The following SPECC1 variants were observed in gnomAD, a reference collection of about 807,000 sequenced individuals.
SPECC1 encodes sperm antigen with calponin homology and coiled-coil domains 1.
Under a neutral mutation model 104.1 loss-of-function variants are expected in SPECC1, and 62 were observed. That is an observed-to-expected ratio of 0.60 (90% CI 0.49 to 0.74). The LOEUF is 0.74. Among genes scored for constraint, SPECC1 ranks in the 30% least tolerant of loss-of-function variants. SPECC1 has a pLI of 0.00. For missense variants in SPECC1, 1,306 were observed against 1,310.5 expected, an observed-to-expected ratio of 1.00 and a Z score of 0.05; for synonymous variants, 513 against 501.6, an observed-to-expected ratio of 1.02 and a Z score of -0.30.
intron 1 of SPECC1, among the ~76,000 whole-genome samples, chr17:20,055,963 T>C (rs1057303300): frequency 9.9e-5 from 15 of 152,236 alleles, no homozygotes; most frequent in African/African-American, 3.6e-4. Flanking sequence ...GGGGCCTGCT[T>C]AGGGCTGAGC....
chr17:20,170,571 C>T (rs1421809405), intron 3 of SPECC1, among the ~76,000 whole-genome samples: 2 of 152,162 alleles, frequency 1.3e-5, no homozygotes, highest in Non-Finnish European at 2.9e-5. Context: ...CTACTGTCTC[C>T]TTTCATCCCT....
chr17:20,159,511 A>G (rs1448872309), intron 3 of SPECC1, among the ~76,000 whole-genome samples: 1 of 152,200 alleles, frequency 6.6e-6, no homozygotes, highest in Non-Finnish European at 1.5e-5. Context: ...AGATTGCACC[A>G]TCTTTTCCAG....
At chr17:20,221,517 T>A (rs1456292315) in intron 4 of SPECC1, among the ~76,000 whole-genome samples, 1 of 152,114 alleles carries the variant, frequency 6.6e-6, no homozygotes, top group Admixed American at 6.5e-5. Flanking sequence ...TCTCCTTTTT[T>A]ATCTTTGATT....
intron 9 of SPECC1, among the ~76,000 whole-genome samples, chr17:20,251,249 GTCA>G (rs2039624397): frequency 1.3e-5 from 1 of 76,714 alleles, no homozygotes; most frequent in Non-Finnish European, 2.6e-5. Flanking sequence ...AAAGCATATG[GTCA>G]TCTTAGTAGG....
intron 1 of SPECC1, among the ~76,000 whole-genome samples, chr17:20,064,802 T>C (rs970859380): frequency 6.6e-6 from 1 of 152,232 alleles, no homozygotes; most frequent in African/African-American, 2.4e-5. Flanking sequence ...TTATAGCTCA[T>C]GAGAAGGCCA....
At chr17:20,163,940 A>T (rs990350153) in intron 3 of SPECC1, among the ~76,000 whole-genome samples, 2 of 152,214 alleles carry the variant, frequency 1.3e-5, no homozygotes, top group Non-Finnish European at 2.9e-5. Context: ...ACTCAGTTAC[A>T]TATTTTGAAT....
At position 20,317,722 on chromosome 17, in the gene SPECC1, TCA is replaced by T. The variant is rs745960028; in HGVS notation, c.*3670_*3671del. 6 of 213,010 alleles carry T rather than the reference TCA, an allele frequency of 2.8e-5. No individual in the cohort carries two copies. Among genetic ancestry groups the T allele is most frequent in the Non-Finnish European group, 5.6e-5 (6 of 106,474 alleles). 13.2% of individuals were successfully genotyped at this position (213,010 alleles called of 1,614,324 possible). A position where few individuals can be genotyped will look rare whatever the true frequency, so the allele number is the denominator to read the frequency against. ...GCCTGGGCCAAAGAGCAAGACCCTG[TCA>T]CACACACACACAAAAAAAAGAAATA... is the stretch of plus-strand genomic sequence containing the variant. On this transcript the variant is annotated 3_prime_UTR_variant, in exon 15 of 15. Transcript: ENST00000395527.
At chr17:20,245,277 G>C (rs985476969) in intron 7 of SPECC1, among the ~76,000 whole-genome samples, 2 of 152,176 alleles carry the variant, frequency 1.3e-5, no homozygotes, top group African/African-American at 4.8e-5. Flanking sequence ...CAGGACAGGA[G>C]CCTTAACTTC....
intron 1 of SPECC1, among the ~76,000 whole-genome samples, chr17:20,021,659 T>TAA (rs1400743716): frequency 6.3e-4 from 55 of 87,654 alleles, no homozygotes; most frequent in Non-Finnish European, 1.3e-3. Context: ...CCCAAGGCTC[T>TAA]GATATATATA....
At chr17:20,146,385 G>C (rs1290246083) in intron 3 of SPECC1, among the ~76,000 whole-genome samples, 1 of 152,114 alleles carries the variant, frequency 6.6e-6, no homozygotes, top group East Asian at 1.9e-4. Context: ...TTTGTGTCTT[G>C]ATCATTTCTT....
rs921099031 is a variant in SPECC1, at chr17:20,238,207, C to T, written c.2351+5802C>T. 12 of 1,038,680 alleles carry T rather than the reference C, an allele frequency of 1.2e-5. No individual in the cohort carries two copies. The African/African-American group carries it at 1.2e-4, about 10-fold the overall frequency. The allele number at this position is 1,038,680 out of a possible 1,614,324, so 64.3% of individuals were successfully genotyped here. A position where few individuals can be genotyped will look rare whatever the true frequency, so the allele number is the denominator to read the frequency against. On this transcript the variant is annotated intron_variant, in intron 7 of 14. Transcript: ENST00000395527. ...TGTTATTAAGCCGGATAGGTAAGCA[C>T]GGTGACAATGGCAATAGAAATCTAA...
At chr17:20,111,903 T>C in intron 3 of SPECC1, 1 of 792,334 alleles carries the variant, frequency 1.3e-6, no homozygotes, top group East Asian at 2.4e-5. Flanking sequence ...TTATCTGATT[T>C]GCTTTCTGTG....
chr17:20,205,184 A>C lies in SPECC1; in HGVS notation c.1135A>C (p.Lys379Gln). Residue 379 changes from lysine (K) to glutamine (Q), a missense_variant, in exon 4 of 15, where the codon AAG (lysine) becomes CAG (glutamine). By Grantham distance (53) the Lys-to-Gln change is moderately conservative (BLOSUM62 1). Coordinates refer to ENST00000395527, the MANE Select transcript of SPECC1 (RefSeq NM_001243439.2). ...GGCTTCCCTCACAGAGAAGATACAAAAGATGGAAGAAAACCACCATAGCAC... is the reference window on the plus strand; with the variant it reads ...GGCTTCCCTCACAGAGAAGATACAACAGATGGAAGAAAACCACCATAGCAC... Reference protein sequence around the residue: ...SLASLTEKIQKMEENHHSTAE... With the variant: ...SLASLTEKIQQMEENHHSTAE... The C allele has an allele frequency of 6.2e-7, 1 of 1,614,182 alleles. No homozygotes were observed. The highest frequency in any genetic ancestry group is 8.5e-7 in the Non-Finnish European group (1 of 1,180,028).
intron 7 of SPECC1, among the ~76,000 whole-genome samples, chr17:20,241,596 G>A (rs1198236511): frequency 2.0e-5 from 3 of 152,154 alleles, no homozygotes; most frequent in Admixed American, 6.5e-5. Context: ...TCTAAGCCAC[G>A]TCAATGATAC....
intron 7 of SPECC1, chr17:20,238,416 C>T: frequency 9.6e-7 from 1 of 1,041,710 alleles, no homozygotes; most frequent in Non-Finnish European, 1.2e-6. Context: ...TTCTGCAATC[C>T]TCACATGAGG....
In SPECC1 at chr17:20,217,283, T is replaced by G. The variant is rs527486425; in HGVS notation, c.1864-10130T>G. ...TTTTATTGTGTGTGTGTGTGTGTGT[T>G]TTTTTTTTCTTGTAAATAGCTTTCT... is the stretch of plus-strand genomic sequence containing the variant. On this transcript the variant is annotated intron_variant, in intron 4 of 14. Coordinates refer to ENST00000395527, the MANE Select transcript of SPECC1 (RefSeq NM_001243439.2). 6.9e-3 allele frequency among the ~76,000 whole-genome samples: 1,047 copies of G among 151,670 alleles called. 5 individuals carry two copies. The highest frequency in any genetic ancestry group is 9.2e-3 in the Non-Finnish European group (627 of 67,798).
At chr17:20,257,918 G>A (rs1422817327) in intron 11 of SPECC1, among the ~76,000 whole-genome samples, 1 of 152,208 alleles carries the variant, frequency 6.6e-6, no homozygotes, top group African/African-American at 2.4e-5. Flanking sequence ...TTACAAGCAC[G>A]CTGTGGAATA....
chr17:20,292,635 C>T (rs760079941), intron 12 of SPECC1, among the ~76,000 whole-genome samples: 1 of 152,162 alleles, frequency 6.6e-6, no homozygotes, highest in Admixed American at 6.5e-5. Context: ...AGCATTTCCC[C>T]ATTTCTAAAG....
chr17:20,057,490 T>C (rs2046012037), intron 1 of SPECC1, among the ~76,000 whole-genome samples: 1 of 151,772 alleles, frequency 6.6e-6, no homozygotes, highest in African/African-American at 2.4e-5. Context: ...AGGTTAAGTG[T>C]TTTTTGTTTG....
Sources: allele counts gnomAD v4.1 joint callset (sites outside exome capture counted in the v4.1 genomes callset), GRCh38; gene constraint gnomAD v4.1.1; transcripts MANE v1.5; gene names NCBI Gene and HGNC (gene_info 2026-07-23, HGNC 2026-07-21).